The following CADM2 variants were observed in gnomAD, a reference collection of about 807,000 sequenced individuals.
The protein encoded by CADM2 is cell adhesion molecule 2.
A neutral mutation model predicts 49.8 loss-of-function variants in CADM2; 12 were observed. That is an observed-to-expected ratio of 0.24 (90% CI 0.15 to 0.39). The LOEUF is 0.39. CADM2 is among the 10% of genes least tolerant of loss of function. CADM2 has a pLI of 1.00. For missense variants in CADM2, 378 were observed against 492.3 expected (o/e 0.77, Z 2.20); for synonymous variants, 214 against 175.4 (o/e 1.22, Z -1.74).
At chr3:86,047,476 A>G (rs981328320) in intron 8 of CADM2, among the ~76,000 whole-genome samples, 4 of 152,174 alleles carry the variant, frequency 2.6e-5, no homozygotes, top group Non-Finnish European at 5.9e-5. Context: ...TCAGGAAATG[A>G]GTTTGTCAGT....
At chr3:85,796,879 G>A (rs556816812) in intron 2 of CADM2, among the ~76,000 whole-genome samples, 143 of 152,124 alleles carry the variant, frequency 9.4e-4, no homozygotes, top group Non-Finnish European at 1.7e-3. Context: ...GGCTTATCAC[G>A]AGGTCAAGAG....
At chr3:85,039,545 T>C (rs1039793784) in intron 1 of CADM2, among the ~76,000 whole-genome samples, 7 of 152,212 alleles carry the variant, frequency 4.6e-5, no homozygotes, top group Non-Finnish European at 1.0e-4. Context: ...AAGACAAATG[T>C]ATTTTACCAG....
chr3:85,933,672 CA>C (rs1295003153), intron 6 of CADM2, among the ~76,000 whole-genome samples: 1 of 151,976 alleles, frequency 6.6e-6, no homozygotes, highest in Non-Finnish European at 1.5e-5. Flanking sequence ...CCAAGAGTAC[CA>C]ATGGTTTAGT....
chr3:85,283,030 A>G (rs1260605779), intron 1 of CADM2, among the ~76,000 whole-genome samples: 2 of 152,112 alleles, frequency 1.3e-5, no homozygotes, highest in Admixed American at 6.6e-5. Context: ...TACAAATTTT[A>G]TGTATAAATA....
intron 1 of CADM2, among the ~76,000 whole-genome samples, chr3:85,188,677 ATCTC>A (rs968971835): frequency 6.6e-6 from 1 of 152,032 alleles, no homozygotes; most frequent in African/African-American, 2.4e-5. Flanking sequence ...ACATTTCATT[ATCTC>A]TCTTTTTCTA....
intron 8 of CADM2, among the ~76,000 whole-genome samples, chr3:85,996,818 T>C (rs1729489651): frequency 6.6e-6 from 1 of 152,218 alleles, no homozygotes; most frequent in Non-Finnish European, 1.5e-5. Context: ...GTTATTTTAA[T>C]GGCTTTTCCT....
intron 1 of CADM2, among the ~76,000 whole-genome samples, chr3:85,116,207 A>T (rs1332714534): frequency 6.6e-6 from 1 of 152,152 alleles, no homozygotes; most frequent in Non-Finnish European, 1.5e-5. Context: ...CATGCCTGTA[A>T]TCCCAGCTAC....
chr3:86,032,767 G>GAATT (rs1734705093), intron 8 of CADM2, among the ~76,000 whole-genome samples: 1 of 151,870 alleles, frequency 6.6e-6, no homozygotes, highest in Non-Finnish European at 1.5e-5. Flanking sequence ...TCTAACTGAG[G>GAATT]AATTAAACCT....
intron 5 of CADM2, among the ~76,000 whole-genome samples, chr3:85,905,389 T>C (rs1040904122): frequency 1.3e-5 from 2 of 151,928 alleles, no homozygotes; most frequent in Non-Finnish European, 2.9e-5. Flanking sequence ...ACAAAGAAAA[T>C]CAATTAAAGA....
intron 1 of CADM2, among the ~76,000 whole-genome samples, chr3:85,394,627 T>C (rs995173087): frequency 6.6e-5 from 10 of 152,206 alleles, no homozygotes; most frequent in Non-Finnish European, 1.0e-4. Flanking sequence ...ACTGGACTTA[T>C]TGTACTCATA....
intron 8 of CADM2, among the ~76,000 whole-genome samples, chr3:86,040,838 C>T (rs533872667): frequency 1.3e-3 from 200 of 152,220 alleles, no homozygotes; most frequent in African/African-American, 4.4e-3. Context: ...AGAGAAAGGT[C>T]GGGTTACCCA....
chr3:85,178,696 A>G (rs1188014747), intron 1 of CADM2, among the ~76,000 whole-genome samples: 1 of 151,808 alleles, frequency 6.6e-6, no homozygotes, highest in Non-Finnish European at 1.5e-5. Context: ...GTGAATTTAA[A>G]CTACTTGGCG....
intron 1 of CADM2, among the ~76,000 whole-genome samples, chr3:85,587,484 T>C (rs1397090157): frequency 6.6e-6 from 1 of 152,036 alleles, no homozygotes; most frequent in Non-Finnish European, 1.5e-5. Context: ...TGACATGGAT[T>C]GCCACTGAAT....
intron 3 of CADM2, among the ~76,000 whole-genome samples, chr3:85,859,224 C>CTTTTTTTTTTTTTTTTTTTTTTTTT (rs397990427): frequency 7.1e-5 from 5 of 70,604 alleles, no homozygotes; most frequent in Admixed American, 2.1e-4. Context: ...TTTTTTTTGT[C>CTTTTTTTTTTTTTTTTTTTTTTTTT]TTTTTTTTTT....
intron 8 of CADM2, among the ~76,000 whole-genome samples, chr3:85,991,623 T>C (rs1045494631): frequency 2.0e-5 from 3 of 152,120 alleles, no homozygotes; most frequent in Non-Finnish European, 2.9e-5. Flanking sequence ...AGTTATAGTT[T>C]AAGATTTGGC....
intron 2 of CADM2, among the ~76,000 whole-genome samples, chr3:85,740,374 G>T (rs2068332141): frequency 6.6e-6 from 1 of 152,030 alleles, no homozygotes; most frequent in Admixed American, 6.6e-5. Context: ...ACTCTTCCTG[G>T]CACTGTGGAG....
intron 2 of CADM2, among the ~76,000 whole-genome samples, chr3:85,745,781 C>T (rs544290035): frequency 6.6e-6 from 1 of 152,030 alleles, no homozygotes; most frequent in Non-Finnish European, 1.5e-5. Flanking sequence ...GGCAGGATGG[C>T]TTGAGCTGTT....
intron 1 of CADM2, among the ~76,000 whole-genome samples, chr3:85,244,795 C>G (rs1338143326): frequency 6.6e-6 from 1 of 152,072 alleles, no homozygotes; most frequent in African/African-American, 2.4e-5. Flanking sequence ...CATCCTACTA[C>G]CAAGGTATTA....
At chr3:85,013,781 T>A (rs988405677) in intron 1 of CADM2, among the ~76,000 whole-genome samples, 1 of 148,554 alleles carries the variant, frequency 6.7e-6, no homozygotes, top group Admixed American at 6.8e-5. Context: ...TATATATATA[T>A]AATATTGTAC....
Sources: gnomAD v4.1 joint callset for allele counts (sites outside exome capture counted in the v4.1 genomes callset) on GRCh38, gnomAD v4.1.1 for gene constraint, MANE v1.5 for transcripts, NCBI Gene and HGNC (gene_info 2026-07-23, HGNC 2026-07-21) for gene names.